CSMD1: variants seen among roughly 807,000 people sequenced by gnomAD.
CSMD1 encodes the protein CUB and sushi domain-containing protein 1.
Under a neutral mutation model 417.5 loss-of-function variants are expected in CSMD1, and 213 were observed. The observed-to-expected ratio is 0.51, with a 90% CI of 0.46 to 0.57. CSMD1 has a LOEUF of 0.57. Ranked by LOEUF, CSMD1 falls within the 20% of genes least tolerant of loss-of-function variation. The probability of loss-of-function intolerance (pLI) is 0.00; values close to 1 mark genes in which losing one functional copy is unlikely to be tolerated. For synonymous variants in CSMD1, 2,862 were observed against 1,736.8 expected (o/e 1.65, Z -16.11); for missense variants, 6,923 against 4,529.7 (o/e 1.53, Z -15.17).
At chr8:3,513,273 T>A (rs1328300102) in intron 10 of CSMD1, among the ~76,000 whole-genome samples, 1 of 152,070 alleles carries the variant, frequency 6.6e-6, no homozygotes. Context: ...TTGTTTTTTG[T>A]AAGAGGAGTA....
chr8:4,864,023 T>G (rs1802287048), intron 1 of CSMD1, among the ~76,000 whole-genome samples: 1 of 152,056 alleles, frequency 6.6e-6, no homozygotes, highest in African/African-American at 2.4e-5. Context: ...ATGCTTTACA[T>G]TAATAGCATG....
At chr8:4,382,785 A>G (rs151283259) in intron 3 of CSMD1, among the ~76,000 whole-genome samples, 15 of 152,220 alleles carry the variant, frequency 9.9e-5, no homozygotes, top group Admixed American at 3.3e-4. Flanking sequence ...AATAATAATG[A>G]TGGCCCCTCA....
chr8:4,381,582 A>G (rs923861289), intron 3 of CSMD1, among the ~76,000 whole-genome samples: 4 of 152,024 alleles, frequency 2.6e-5, no homozygotes, highest in African/African-American at 9.7e-5. Context: ...CCCAAAAGCA[A>G]TGACCACTTC....
rs562021293 is a variant in CSMD1 at position 4,626,935 on chromosome 8, G to T, written c.302+10407C>A. Reference sequence around the variant, plus strand: ...TAGTACATTCAAATATAAACAAAGTGCATCAGATTTCTCTGCAAAGGGATA... The same window carrying T: ...TAGTACATTCAAATATAAACAAAGTTCATCAGATTTCTCTGCAAAGGGATA... On this transcript the variant is annotated intron_variant, in intron 2 of 69. Coordinates refer to ENST00000635120, the MANE Select transcript of CSMD1 (RefSeq NM_033225.6). Among the ~76,000 whole-genome samples the T allele has an allele frequency of 9.2e-5, 14 of 152,202 alleles. No homozygotes were observed. The South Asian group carries it at 2.9e-3, about 32-fold the overall frequency.
At chr8:4,499,719 T>G (rs1367229338) in intron 2 of CSMD1, among the ~76,000 whole-genome samples, 2 of 152,240 alleles carry the variant, frequency 1.3e-5, no homozygotes, top group Admixed American at 1.3e-4. Context: ...AAAGTGAAGT[T>G]GATATGGGCA....
chr8:3,734,498 G>A (rs773416614), intron 6 of CSMD1, among the ~76,000 whole-genome samples: 2 of 152,146 alleles, frequency 1.3e-5, no homozygotes, highest in Admixed American at 6.6e-5. Flanking sequence ...ATCCCTTGAC[G>A]TCAGGAGTTC....
intron 34 of CSMD1, among the ~76,000 whole-genome samples, 159 bp from the exon 35 acceptor site, chr8:3,189,170 T>C (rs1352200762): frequency 6.6e-6 from 1 of 152,220 alleles, no homozygotes; most frequent in Non-Finnish European, 1.5e-5. Flanking sequence ...TTCAGTGTAT[T>C]CTCTTTTAAA....
At chr8:3,948,542 T>C (rs558314144) in intron 5 of CSMD1, among the ~76,000 whole-genome samples, 4 of 152,148 alleles carry the variant, frequency 2.6e-5, no homozygotes, top group Admixed American at 1.3e-4. Flanking sequence ...TATATTATAT[T>C]TGGTTGCTGG....
chr8:3,747,181 C>A (rs570275688), intron 6 of CSMD1, among the ~76,000 whole-genome samples: 2 of 152,152 alleles, frequency 1.3e-5, no homozygotes, highest in South Asian at 2.1e-4. Context: ...CTGCCATTTG[C>A]AAGCTGTATG....
intron 3 of CSMD1, among the ~76,000 whole-genome samples, chr8:4,210,299 G>T (rs912912914): frequency 6.6e-6 from 1 of 152,160 alleles, no homozygotes; most frequent in Non-Finnish European, 1.5e-5. Context: ...ATCCTCTACT[G>T]TTAGATTCCA....
intron 1 of CSMD1, among the ~76,000 whole-genome samples, chr8:4,935,379 AC>A (rs1333117506): frequency 6.6e-6 from 1 of 152,186 alleles, no homozygotes; most frequent in African/African-American, 2.4e-5. Flanking sequence ...TACCTCCTGC[AC>A]ATGCACCTCA....
chr8:3,980,839 G>A (rs1813806229), intron 5 of CSMD1, among the ~76,000 whole-genome samples: 1 of 152,084 alleles, frequency 6.6e-6, no homozygotes. Context: ...CCCAGCAGTT[G>A]GCTACTTTGA....
intron 49 of CSMD1, among the ~76,000 whole-genome samples, chr8:3,085,594 G>C (rs1814467722): frequency 6.6e-6 from 1 of 152,174 alleles, no homozygotes; most frequent in Non-Finnish European, 1.5e-5. Context: ...TGTCAGAAGA[G>C]CCTCATTTGC....
chr8:4,862,773 G>T (rs1483024845), intron 1 of CSMD1, among the ~76,000 whole-genome samples: 1 of 152,074 alleles, frequency 6.6e-6, no homozygotes, highest in African/African-American at 2.4e-5. Context: ...AAAGGTTCTT[G>T]GAATCATGAA....
At chr8:3,189,215 G>C (rs1585602530) in intron 34 of CSMD1, among the ~76,000 whole-genome samples, 2 of 152,286 alleles carry the variant, frequency 1.3e-5, no homozygotes, top group South Asian at 4.1e-4. Flanking sequence ...ATGCTACTCA[G>C]TTATAGATCT....
chr8:4,770,127 A>G (rs1358293059), intron 1 of CSMD1, among the ~76,000 whole-genome samples: 1 of 151,338 alleles, frequency 6.6e-6, no homozygotes, highest in Non-Finnish European at 1.5e-5. Context: ...TTGTTACAAT[A>G]CCCATAGTAC....
chr8:3,106,852 ACT>A lies in CSMD1; in HGVS notation c.6836-213_6836-212del, dbSNP rs775602538. On this transcript the variant is annotated intron_variant, in intron 45 of 69. Coordinates refer to ENST00000635120, the MANE Select transcript of CSMD1 (RefSeq NM_033225.6). ...TCTATTAAGCTTAGCCGATATTAGTACTGAAATGATGTGGCAGCTTTTCTTCC... is the reference window on the plus strand; with the variant it reads ...TCTATTAAGCTTAGCCGATATTAGTAGAAATGATGTGGCAGCTTTTCTTCC... The A allele has an allele frequency of 3.3e-4, 132 of 402,068 alleles. 1 individual carries two copies. The highest frequency in any genetic ancestry group is 6.8e-4 in the South Asian group (11 of 16,122). 24.9% of individuals were successfully genotyped at this position (402,068 alleles called of 1,614,324 possible). A position where few individuals can be genotyped will look rare whatever the true frequency, so the allele number is the denominator to read the frequency against.
At chr8:4,065,162 T>C (rs1234722213) in intron 3 of CSMD1, among the ~76,000 whole-genome samples, 1 of 152,210 alleles carries the variant, frequency 6.6e-6, no homozygotes, top group Non-Finnish European at 1.5e-5. Flanking sequence ...ACTGACACTA[T>C]TTACACAAAA....
At chr8:4,485,440 A>T (rs754647755) in intron 2 of CSMD1, among the ~76,000 whole-genome samples, 16 of 152,170 alleles carry the variant, frequency 1.1e-4, no homozygotes, top group African/African-American at 3.9e-4. Flanking sequence ...AAGGGCTTCT[A>T]TGGATTCACA....
Sources: allele counts gnomAD v4.1 joint callset (sites outside exome capture counted in the v4.1 genomes callset), GRCh38; gene constraint gnomAD v4.1.1; transcripts MANE v1.5; gene names NCBI Gene and HGNC (gene_info 2026-07-23, HGNC 2026-07-21).